Variants in DLGAP1 observed in about 807,000 individuals in gnomAD.
DLGAP1 encodes the protein DLG associated protein 1, also known as disks large-associated protein 1.
In DLGAP1, 11 loss-of-function variants were observed where a neutral mutation model predicts 90.8. That is an observed-to-expected ratio of 0.12 (90% CI 0.08 to 0.20). The LOEUF (loss-of-function observed/expected upper bound fraction) is 0.20, where lower values mean the gene tolerates loss of function less well. DLGAP1 is among the 10% of genes least tolerant of loss of function. The pLI is 1.00. For synonymous variants in DLGAP1, 558 were observed against 540.7 expected (o/e 1.03, Z -0.44); for missense variants, 1,050 against 1,333.8 (o/e 0.79, Z 3.31).
chr18:4,452,650 G>A (rs548757100), intron 1 of DLGAP1, among the ~76,000 whole-genome samples: 12 of 152,224 alleles, frequency 7.9e-5, no homozygotes, highest in African/African-American at 2.4e-4. Context: ...CTCTATATGC[G>A]CTACATAATA....
At chr18:3,795,613 C>T (rs2065955113) in intron 5 of DLGAP1, among the ~76,000 whole-genome samples, 1 of 152,100 alleles carries the variant, frequency 6.6e-6, no homozygotes, top group South Asian at 2.1e-4. Flanking sequence ...CGCGCCTGGC[C>T]TGTTTTCTAT....
intron 3 of DLGAP1, among the ~76,000 whole-genome samples, chr18:3,972,310 G>A (rs1011162163): frequency 2.0e-5 from 3 of 152,026 alleles, no homozygotes; most frequent in Admixed American, 1.3e-4. Flanking sequence ...CCCGGAGTTC[G>A]AGACCAGCCT....
At chr18:3,661,174 C>T (rs1023833149) in intron 7 of DLGAP1, among the ~76,000 whole-genome samples, 45 of 152,224 alleles carry the variant, frequency 3.0e-4, no homozygotes, top group African/African-American at 5.3e-4. Flanking sequence ...CTGAGATTAT[C>T]GGCATGTACC....
chr18:3,983,408 G>A (rs1477596955), intron 3 of DLGAP1: 10 of 152,168 alleles, frequency 6.6e-5, no homozygotes, highest in Non-Finnish European at 1.3e-4. Flanking sequence ...CTATGTGTCA[G>A]TATCTGCTTT....
At chr18:3,985,540 A>G (rs1376023173) in intron 3 of DLGAP1, among the ~76,000 whole-genome samples, 2 of 149,982 alleles carry the variant, frequency 1.3e-5, no homozygotes, top group Non-Finnish European at 3.0e-5. Context: ...TTTTTTTAAC[A>G]TAGAACAAAA....
At chr18:3,698,666 T>C (rs180916876) in intron 7 of DLGAP1, among the ~76,000 whole-genome samples, 3 of 152,312 alleles carry the variant, frequency 2.0e-5, no homozygotes, top group Admixed American at 6.5e-5. Flanking sequence ...TCTCTGTATT[T>C]CCTGAATTTG....
intron 5 of DLGAP1, among the ~76,000 whole-genome samples, chr18:3,797,873 G>T (rs533636699): frequency 4.6e-5 from 7 of 152,316 alleles, no homozygotes; most frequent in African/African-American, 1.7e-4. Context: ...TTGAGGGAGA[G>T]ACCTGGTAGA....
At chr18:4,170,449 G>A (rs2077003869) in intron 1 of DLGAP1, among the ~76,000 whole-genome samples, 1 of 152,144 alleles carries the variant, frequency 6.6e-6, no homozygotes, top group African/African-American at 2.4e-5. Flanking sequence ...CTGAAGACAG[G>A]TGAGAATGGG....
At chr18:4,381,084 A>G (rs1014573491) in intron 1 of DLGAP1, among the ~76,000 whole-genome samples, 3 of 152,226 alleles carry the variant, frequency 2.0e-5, no homozygotes, top group African/African-American at 7.2e-5. Context: ...CCAGGTGGTT[A>G]ACACTATATA....
At chr18:3,767,518 A>G (rs968451881) in intron 5 of DLGAP1, among the ~76,000 whole-genome samples, 2 of 152,134 alleles carry the variant, frequency 1.3e-5, no homozygotes, top group Non-Finnish European at 2.9e-5. Context: ...GGCAAATAGA[A>G]TTCAGTAATA....
At chr18:4,339,316 G>T (rs1161264091) in intron 1 of DLGAP1, among the ~76,000 whole-genome samples, 1 of 152,156 alleles carries the variant, frequency 6.6e-6, no homozygotes, top group African/African-American at 2.4e-5. Context: ...ACACTGTTTT[G>T]TGTGTGTTGG....
At chr18:3,772,348 CTTTCTTTCTTTCTTTCTTTCTT>C (rs2064668710) in intron 5 of DLGAP1, among the ~76,000 whole-genome samples, 1 of 2,234 alleles carries the variant, frequency 4.5e-4, no homozygotes, top group African/African-American at 1.4e-3. Flanking sequence ...CTCTCTCTCT[CTTTCTTTCTTTCTTTCTTTCTT>C]TCTTTCTTTC....
In DLGAP1 at chr18:3,933,542, G is replaced by C. The variant is rs564624529; in HGVS notation, c.-72-53402C>G. On this transcript the variant is annotated intron_variant, in intron 3 of 12. Transcript: ENST00000315677. ...AAGGACTCTTGTCTCTTCTTGGGAG[G>C]TTTCCCCTCCATTCTTCCTCTCTAG... Among the ~76,000 whole-genome samples, 12 of 152,322 alleles carry C rather than the reference G, an allele frequency of 7.9e-5. No homozygotes were observed. The East Asian group carries it at 2.3e-3, about 29-fold the overall frequency.
chr18:4,298,819 C>T (rs534392990), intron 1 of DLGAP1, among the ~76,000 whole-genome samples: 72 of 151,860 alleles, frequency 4.7e-4, no homozygotes, highest in African/African-American at 1.5e-3. Context: ...CAGTGGCTCA[C>T]GCCTGTAATC....
chr18:3,811,787 A>T (rs573292331), intron 5 of DLGAP1, among the ~76,000 whole-genome samples: 192 of 152,198 alleles, frequency 1.3e-3, no homozygotes, highest in Non-Finnish European at 2.2e-3. Context: ...AGAAAGAAAG[A>T]GTTTCAATGA....
rs747358324 is a variant in DLGAP1 at position 3,879,317 on chromosome 18, G to A, written c.752C>T (p.Ser251Phe). 3.7e-6 allele frequency: 6 copies of A among 1,601,810 alleles called. No homozygotes were observed. In the East Asian group the frequency reaches 8.9e-5, roughly 24 times the overall value. Reference protein sequence around the residue: ...NTISEQAVKASRSNNDVKCST... With the variant: ...NTISEQAVKAFRSNNDVKCST... ...GCACTTGACGTCGTTGTTGCTCCGG[G>A]AGGCCTTCACCGCCTGCTCGCTGAT... The change falls in exon 4 of 13, where the codon TCC (serine) becomes TTC (phenylalanine). Residue 251 changes from serine to phenylalanine, a missense_variant. Ser to Phe is a radical substitution (Grantham distance 155, BLOSUM62 -2). Around this residue, in one of 2 missense-constraint regions of DLGAP1, gnomAD observed 485 missense variants for 454.1 expected, o/e 1.07. Transcript: ENST00000315677. The surrounding 1 kb of genome is among the most constrained non-coding windows in gnomAD (Gnocchi z 6.6).
chr18:3,910,254 C>A (rs1024778679), intron 3 of DLGAP1, among the ~76,000 whole-genome samples: 4 of 151,660 alleles, frequency 2.6e-5, no homozygotes, highest in African/African-American at 9.7e-5. Context: ...GGAGTTTTAT[C>A]TTACTAAACT....
At chr18:4,304,230 T>C (rs2080195777) in intron 1 of DLGAP1, among the ~76,000 whole-genome samples, 1 of 152,194 alleles carries the variant, frequency 6.6e-6, no homozygotes. Context: ...GTAATGGTTG[T>C]AGAACAATGT....
intron 3 of DLGAP1, among the ~76,000 whole-genome samples, chr18:3,955,281 C>A (rs1261095510): frequency 6.6e-6 from 1 of 152,100 alleles, no homozygotes; most frequent in East Asian, 1.9e-4. Context: ...ATCATAAAAG[C>A]AAGACCCAAA....
Sources: allele counts gnomAD v4.1 joint callset (sites outside exome capture counted in the v4.1 genomes callset), GRCh38; gene constraint gnomAD v4.1.1; regional missense constraint gnomAD v4.1.1; non-coding constraint Gnocchi (gnomAD v3.1); transcripts MANE v1.5; gene names NCBI Gene and HGNC (gene_info 2026-07-23, HGNC 2026-07-21).